The following CPNE4 variants were observed in gnomAD, a reference collection of about 807,000 sequenced individuals.
The protein encoded by CPNE4 is copine 4.
Under a neutral mutation model 67.9 loss-of-function variants are expected in CPNE4, and 25 were observed. The ratio of observed to expected loss-of-function variants is 0.37; its 90% confidence interval spans 0.27 to 0.51. CPNE4 has a LOEUF of 0.51. CPNE4 is among the 20% of genes least tolerant of loss of function. The pLI is 0.93. For synonymous variants in CPNE4, 242 were observed against 244.9 expected, an observed-to-expected ratio of 0.99 and a Z score of 0.11; for missense variants, 464 against 690.8, an observed-to-expected ratio of 0.67 and a Z score of 3.68.
intron 2 of CPNE4, among the ~76,000 whole-genome samples, chr3:131,765,868 A>G (rs2082999247): frequency 6.6e-6 from 1 of 152,118 alleles, no homozygotes; most frequent in Non-Finnish European, 1.5e-5. Flanking sequence ...GGGAAGCTTC[A>G]ACTTACTGAC....
intron 2 of CPNE4, among the ~76,000 whole-genome samples, chr3:131,786,562 A>G (rs1316211165): frequency 6.6e-6 from 1 of 152,180 alleles, no homozygotes; most frequent in Non-Finnish European, 1.5e-5. Context: ...ATTTCTGAGA[A>G]GCAGAAGTGA....
At chr3:131,682,265 A>T (rs1033242334) in intron 6 of CPNE4, among the ~76,000 whole-genome samples, 1 of 152,064 alleles carries the variant, frequency 6.6e-6, no homozygotes, top group Admixed American at 6.5e-5. Context: ...GCTTGTTTGT[A>T]CCATCCTTCT....
chr3:131,955,139 G>A (rs907140327), intron 1 of CPNE4, among the ~76,000 whole-genome samples: 5 of 151,260 alleles, frequency 3.3e-5, no homozygotes, highest in African/African-American at 4.8e-5. Flanking sequence ...TAGTGGGAAG[G>A]GCTAGGATTT....
chr3:131,557,987 A>G (rs920305750), intron 11 of CPNE4, among the ~76,000 whole-genome samples: 1 of 151,998 alleles, frequency 6.6e-6, no homozygotes, highest in African/African-American at 2.4e-5. Context: ...GGTAAGCTCT[A>G]ACATTCCATC....
Position 132,028,831 on chromosome 3 carries a change from G to GAA in CPNE4, c.-2+5734_-2+5735dup, listed in dbSNP as rs11394981. 1.3e-3 allele frequency among the ~76,000 whole-genome samples: 200 copies of GAA among 150,864 alleles called. 1 individual carries two copies. The highest frequency in any genetic ancestry group is 4.0e-3 in the African/African-American group (165 of 41,104). On this transcript the variant is annotated intron_variant, in intron 1 of 15. Transcript: ENST00000429747. ...GCTAGATTTCAAAGATTTAGTACTA[G>GAA]AAAAAAAAGAATGTAAAATATCTCA...
At chr3:131,635,095 T>C (rs1482234344) in intron 7 of CPNE4, among the ~76,000 whole-genome samples, 1 of 152,212 alleles carries the variant, frequency 6.6e-6, no homozygotes, top group African/African-American at 2.4e-5. Context: ...CCATGATTTC[T>C]GTAGAAGAGC....
chr3:131,988,192 G>A (rs975167568), intron 1 of CPNE4, among the ~76,000 whole-genome samples: 1 of 152,136 alleles, frequency 6.6e-6, no homozygotes, highest in African/African-American at 2.4e-5. Flanking sequence ...TATAAGAACA[G>A]GGTGAAGTTG....
intron 7 of CPNE4, among the ~76,000 whole-genome samples, chr3:131,653,229 T>C (rs1481628002): frequency 2.1e-5 from 3 of 145,208 alleles, no homozygotes; most frequent in Non-Finnish European, 4.5e-5. Context: ...CACTGCAAGC[T>C]CCGCCTCCCG....
chr3:131,785,625 GAC>G (rs1234979556), intron 2 of CPNE4, among the ~76,000 whole-genome samples: 7 of 151,654 alleles, frequency 4.6e-5, no homozygotes, highest in African/African-American at 1.5e-4. Context: ...GTAAAAATGT[GAC>G]AGTTTGTTAC....
chr3:131,897,007 C>T (rs1047207878), intron 2 of CPNE4, among the ~76,000 whole-genome samples: 2 of 152,018 alleles, frequency 1.3e-5, no homozygotes, highest in African/African-American at 2.4e-5. Context: ...AGATTCCTAA[C>T]GGGCAGGAAT....
intron 2 of CPNE4, among the ~76,000 whole-genome samples, chr3:131,780,772 AC>A (rs2083413763): frequency 6.6e-6 from 1 of 151,792 alleles, no homozygotes; most frequent in Non-Finnish European, 1.5e-5. Flanking sequence ...AAATGTCCAA[AC>A]CCCCATGACA....
chr3:131,934,255 G>A (rs765505071), intron 1 of CPNE4, among the ~76,000 whole-genome samples: 5 of 152,134 alleles, frequency 3.3e-5, no homozygotes, highest in Non-Finnish European at 7.4e-5. Flanking sequence ...GTTAGCAGGT[G>A]AGGAATTTTG....
intron 1 of CPNE4, among the ~76,000 whole-genome samples, chr3:131,920,246 A>T (rs1009275815): frequency 6.6e-6 from 1 of 152,158 alleles, no homozygotes; most frequent in Non-Finnish European, 1.5e-5. Flanking sequence ...AAGTCCTAGA[A>T]GGCCTATGGA....
At chr3:131,635,176 G>A (rs1349687852) in intron 7 of CPNE4, among the ~76,000 whole-genome samples, 1 of 152,096 alleles carries the variant, frequency 6.6e-6, no homozygotes, top group Non-Finnish European at 1.5e-5. Context: ...AGATTTCTAA[G>A]AGCTGCAGTT....
intron 7 of CPNE4, among the ~76,000 whole-genome samples, chr3:131,604,801 T>G (rs1159861600): frequency 6.6e-6 from 1 of 152,062 alleles, no homozygotes; most frequent in Non-Finnish European, 1.5e-5. Context: ...GTTCTGTCCC[T>G]CTAGAGAATC....
intron 10 of CPNE4, among the ~76,000 whole-genome samples, chr3:131,571,864 A>G (rs1053670376): frequency 2.0e-5 from 3 of 151,976 alleles, no homozygotes; most frequent in East Asian, 1.9e-4. Flanking sequence ...TGCTTCCCCA[A>G]TACTCCCCTA....
At chr3:132,023,883 T>G (rs1008994445) in intron 1 of CPNE4, among the ~76,000 whole-genome samples, 7 of 152,156 alleles carry the variant, frequency 4.6e-5, no homozygotes, top group Admixed American at 4.6e-4. Flanking sequence ...TAGGAGGAGA[T>G]GAGAAGTTTC....
chr3:131,666,028 C>T (rs1199848845), intron 7 of CPNE4, among the ~76,000 whole-genome samples: 1 of 151,416 alleles, frequency 6.6e-6, no homozygotes, highest in Non-Finnish European at 1.5e-5. Context: ...TTATAAAGCT[C>T]AATGAAAAAA....
At chr3:131,937,073 C>T (rs1215811430) in intron 1 of CPNE4, among the ~76,000 whole-genome samples, 1 of 151,832 alleles carries the variant, frequency 6.6e-6, no homozygotes, top group Non-Finnish European at 1.5e-5. Context: ...TAATCAGTTT[C>T]CAATGAACAA....
Sources: gnomAD v4.1 joint callset for allele counts (sites outside exome capture counted in the v4.1 genomes callset) on GRCh38, gnomAD v4.1.1 for gene constraint, MANE v1.5 for transcripts, NCBI Gene and HGNC (gene_info 2026-07-23, HGNC 2026-07-21) for gene names.